Variants in TRIM41 observed in about 807,000 individuals in gnomAD.
TRIM41 encodes the protein tripartite motif containing 41, also known as E3 ubiquitin-protein ligase TRIM41.
Under a neutral mutation model 60.6 loss-of-function variants are expected in TRIM41, and 21 were observed. The observed-to-expected ratio is 0.35, with a 90% CI of 0.25 to 0.50. The LOEUF is 0.50. TRIM41 is among the 20% of genes least tolerant of loss of function. The pLI is 0.98. For synonymous variants in TRIM41, 407 were observed against 344.9 expected (o/e 1.18, Z -2.00); for missense variants, 846 against 868.3 (o/e 0.97, Z 0.32).
Position 181,233,691 on chromosome 5 carries a change from C to A in TRIM41, c.1219C>A (p.Pro407Thr). ...PEVWSPDPCQPHSHDFLTDAI... is the reference protein window; with the variant it reads ...PEVWSPDPCQTHSHDFLTDAI... ...GGTCTGGTCCCCTGACCCGTGCCAA[C>A]CCCATAGCCATGACTTCCTGACAGA... Residue 407 changes from proline to threonine, a missense_variant, in exon 5 of 6, where the codon CCC (proline) becomes ACC (threonine). Transcript: ENST00000315073. The surrounding 1 kb of genome is among the most constrained non-coding windows in gnomAD (Gnocchi z 4.1). The A allele has an allele frequency of 6.2e-7, 1 of 1,614,228 alleles. No individual in the cohort carries two copies. Among genetic ancestry groups the A allele is most frequent in the Non-Finnish European group, 8.5e-7 (1 of 1,180,044 alleles).
chr5:181,232,844 A>G lies in TRIM41; in HGVS notation c.1095A>G (p.Ala365=), dbSNP rs1403961502. The change falls in exon 3 of 6, where the codon GCA becomes GCG. Residue 365 remains alanine (A), a synonymous_variant. Transcript: ENST00000315073. ...EQAAQLSRLL[A]EAQERSQQGG... The stretch of plus-strand genomic sequence containing the variant: ...CCGCCCAGCTCAGCCGCCTGCTGGC[A>G]GAGGCCCAGGAGCGGAGCCAGCAGG... 6.4e-7 allele frequency: 1 copy of G among 1,559,558 alleles called. No homozygotes were observed. Among genetic ancestry groups the G allele is most frequent in the East Asian group, 2.4e-5 (1 of 41,908 alleles).
At chr5:181,225,362 C>T (rs145066154) in intron 1 of TRIM41, 1 of 162,126 alleles carries the variant, frequency 6.2e-6, no homozygotes, top group African/African-American at 2.4e-5. Context: ...GCTTTTCAGT[C>T]AGAAGACCTG....
Position 181,223,437 on chromosome 5 carries a change from T to A in TRIM41, c.-563T>A, listed in dbSNP as rs1582264400. On this transcript the variant is annotated 5_prime_UTR_variant, in exon 1 of 6. Transcript: ENST00000315073. ...TCTCCCCAGCGGCGGGGGATGGGGG[T>A]AGGCGGTTCCTCTGTTCTTTCTGCG... The A allele has an allele frequency of 2.5e-6, 1 of 399,586 alleles. No individual in the cohort carries two copies. Among genetic ancestry groups the A allele is most frequent in the African/African-American group, 2.1e-5 (1 of 48,536 alleles). 24.8% of individuals were successfully genotyped at this position (399,586 alleles called of 1,614,324 possible).
In TRIM41 at chr5:181,234,776, T is replaced by G. The variant is rs1322262875; in HGVS notation, c.*1T>G. 1 of 1,609,188 alleles carries G rather than the reference T, an allele frequency of 6.2e-7. No homozygotes were observed. On this transcript the variant is annotated 3_prime_UTR_variant, in exon 6 of 6. Coordinates refer to ENST00000315073, the MANE Select transcript of TRIM41 (RefSeq NM_033549.5). This position sits in a 1 kb window ranked among gnomAD's most constrained non-coding sequence, Gnocchi z 5.6. ...CACCCGCATCAAGCTCTGCCCTTGA[T>G]TATCCTGCCACCCGCAGGGGCCCCT...
At position 181,233,555 on chromosome 5, in the gene TRIM41, C is replaced by G. The variant is rs531422717; in HGVS notation, c.1164-81C>G. 1 of 1,608,192 alleles carries G rather than the reference C, an allele frequency of 6.2e-7. No individual in the cohort carries two copies. Among genetic ancestry groups the G allele is most frequent in the Non-Finnish European group, 8.5e-7 (1 of 1,175,420 alleles). Reference sequence around the variant, plus strand: ...GGACCTGAGTTTCCATCTCCTGGACCCTCCTCTCCTTCCCCTCAGCTTTTG... The same window carrying G: ...GGACCTGAGTTTCCATCTCCTGGACGCTCCTCTCCTTCCCCTCAGCTTTTG... On this transcript the variant is annotated intron_variant, in intron 4 of 5. Coordinates refer to ENST00000315073, the MANE Select transcript of TRIM41 (RefSeq NM_033549.5). This position sits in a 1 kb window ranked among gnomAD's most constrained non-coding sequence, Gnocchi z 4.1.
In TRIM41 at chr5:181,234,528, T is replaced by C. The variant is rs937387817; in HGVS notation, c.1646T>C (p.Val549Ala). The C allele has an allele frequency of 2.2e-5, 35 of 1,613,972 alleles. No individual in the cohort carries two copies. The highest frequency in any genetic ancestry group is 2.9e-5 in the Non-Finnish European group (34 of 1,180,000). The stretch of plus-strand genomic sequence containing the variant: ...CAGCAGCCCCTGCTCCAGCGGGAAG[T>C]GTGGTGCGTGGGCACCAACGGCAAA... ...LPQQPLLQREVWCVGTNGKRY... is the reference protein window; with the variant it reads ...LPQQPLLQREAWCVGTNGKRY... The change falls in exon 6 of 6, where the codon GTG becomes GCG. Residue 549 changes from valine (V) to alanine (A), a missense_variant. Coordinates refer to ENST00000315073, the MANE Select transcript of TRIM41 (RefSeq NM_033549.5). This position sits in a 1 kb window ranked among gnomAD's most constrained non-coding sequence, Gnocchi z 5.6.
intron 2 of TRIM41, chr5:181,231,081 T>C (rs1758776516): frequency 2.6e-6 from 1 of 389,194 alleles, no homozygotes; most frequent in African/African-American, 2.1e-5. Context: ...CCTAGGTGCC[T>C]GGCCCAAGGC....
At chr5:181,230,908 C>CT (rs1267064857) in intron 2 of TRIM41, 69 bp downstream of exon 2, 2 of 1,416,228 alleles carry the variant, frequency 1.4e-6, no homozygotes, top group Non-Finnish European at 2.0e-6. Context: ...GCTTCCCACT[C>CT]TCACAGGGAG....
In TRIM41 at chr5:181,234,480, G is replaced by A. The variant is rs371769219; in HGVS notation, c.1598G>A (p.Arg533His). The change falls in exon 6 of 6, where the codon CGC becomes CAC. Residue 533 changes from arginine to histidine, a missense_variant. Physicochemically the swap from Arg to His is conservative, Grantham distance 29. Coordinates refer to ENST00000315073, the MANE Select transcript of TRIM41 (RefSeq NM_033549.5). The surrounding 1 kb of genome is among the most constrained non-coding windows in gnomAD (Gnocchi z 5.6). Reference sequence around the variant, plus strand: ...GCCAGCTCCTCGCGCCATCACCATCGCCGCCGCCGGCTCCACCTGCCCCAG... The same window carrying A: ...GCCAGCTCCTCGCGCCATCACCATCACCGCCGCCGGCTCCACCTGCCCCAG... Reference protein sequence around the residue: ...GDASSSRHHHRRRRLHLPQQP... With the variant: ...GDASSSRHHHHRRRLHLPQQP... 199 of 1,613,386 alleles carry A rather than the reference G, an allele frequency of 1.2e-4. No homozygotes were observed. Among genetic ancestry groups the A allele is most frequent in the Non-Finnish European group, 1.4e-4 (170 of 1,179,640 alleles).
chr5:181,232,458 G>T, intron 2 of TRIM41: 1 of 573,258 alleles, frequency 1.7e-6, no homozygotes, highest in Non-Finnish European at 3.0e-6. Flanking sequence ...GCAGAGGTTA[G>T]TGAGTTTGAG....
chr5:181,234,714 A>G lies in TRIM41; in HGVS notation c.1832A>G (p.Glu611Gly), dbSNP rs760740932. Residue 611 changes from glutamate (E) to glycine (G), a missense_variant, in exon 6 of 6, where the codon GAG becomes GGG. Glu to Gly is a moderately conservative substitution (Grantham distance 98, BLOSUM62 -2). Coordinates refer to ENST00000315073, the MANE Select transcript of TRIM41 (RefSeq NM_033549.5). This position sits in a 1 kb window ranked among gnomAD's most constrained non-coding sequence, Gnocchi z 5.6. The part of the protein sequence containing the change: ...VHTFSAAFLG[E>G]RVFPFFRVLS... Reference sequence around the variant, plus strand: ...ACCTTCTCGGCTGCCTTCCTGGGCGAGCGTGTCTTTCCTTTCTTCCGGGTG... The same window carrying G: ...ACCTTCTCGGCTGCCTTCCTGGGCGGGCGTGTCTTTCCTTTCTTCCGGGTG... 4 of 1,614,142 alleles carry G rather than the reference A, an allele frequency of 2.5e-6. No individual in the cohort carries two copies. The highest frequency in any genetic ancestry group is 3.4e-6 in the Non-Finnish European group (4 of 1,180,028).
rs1175300505 is a variant in TRIM41, at chr5:181,234,013, AGAGT to A, written c.1292-157_1292-154del. 5 of 1,330,656 alleles carry A rather than the reference AGAGT, an allele frequency of 3.8e-6. No homozygotes were observed. Among genetic ancestry groups the A allele is most frequent in the Admixed American group, 1.8e-5 (1 of 54,078 alleles). 82.4% of individuals were successfully genotyped at this position (1,330,656 alleles called of 1,614,324 possible). ...AGACCTGTCAGGTATCCTAGGAACA[AGAGT>A]GAGGAGCAAGATGAGCCTGCAGGAA... On this transcript the variant is annotated intron_variant, in intron 5 of 5. Transcript: ENST00000315073. The surrounding 1 kb of genome is among the most constrained non-coding windows in gnomAD (Gnocchi z 5.6).
At chr5:181,228,032 C>G (rs1758624557) in intron 1 of TRIM41, 1 of 151,252 alleles carries the variant, frequency 6.6e-6, no homozygotes. Flanking sequence ...CATTTTGGCC[C>G]CTCAAAGTGC....
At chr5:181,228,513 G>GTGCTAC (rs1229490995) in intron 1 of TRIM41, 2 of 129,088 alleles carry the variant, frequency 1.5e-5, no homozygotes, top group African/African-American at 6.5e-5. Flanking sequence ...AGCCAAGATT[G>GTGCTAC]TGCTACTGCA....
At chr5:181,227,163 G>A (rs1200608197) in intron 1 of TRIM41, 1 of 151,654 alleles carries the variant, frequency 6.6e-6, no homozygotes, top group African/African-American at 2.4e-5. Context: ...GTGAACCACT[G>A]CGCCTGGCCA....
chr5:181,230,387 C>T (rs1485696406), intron 1 of TRIM41: 6 of 164,934 alleles, frequency 3.6e-5, no homozygotes, highest in Non-Finnish European at 7.7e-5. Flanking sequence ...GTACCAGCTA[C>T]TGGGAAGGCT....
Position 181,224,437 on chromosome 5 carries a change from G to C in TRIM41, c.438G>C (p.Arg146Ser). The change falls in exon 1 of 6, where the codon AGG (arginine) becomes AGC (serine). Residue 146 changes from arginine to serine, a missense_variant. Transcript: ENST00000315073. ...GGGACATGGAGGAGGAGGACCTGAG[G>C]GGGGAGGATGAGGAGGACGAGGAGG... The part of the protein sequence containing the change: ...YLGDMEEEDL[R>S]GEDEEDEEEV... 2 of 1,613,362 alleles carry C rather than the reference G, an allele frequency of 1.2e-6. No individual in the cohort carries two copies. The highest frequency in any genetic ancestry group is 1.7e-6 in the Non-Finnish European group (2 of 1,179,638).
chr5:181,235,416 C>T lies in TRIM41; in HGVS notation c.*641C>T, dbSNP rs932705893. On this transcript the variant is annotated 3_prime_UTR_variant, in exon 6 of 6. Coordinates refer to ENST00000315073, the MANE Select transcript of TRIM41 (RefSeq NM_033549.5). ...AATGGTCGCCATGATTGAAACCACG[C>T]ACCATTACATCATCATTACATTAAT... 26 of 1,613,930 alleles carry T rather than the reference C, an allele frequency of 1.6e-5. No individual in the cohort carries two copies. Among genetic ancestry groups the T allele is most frequent in the South Asian group, 2.2e-5 (2 of 91,072 alleles).
chr5:181,227,286 G>A (rs1296450199), intron 1 of TRIM41: 1 of 152,148 alleles, frequency 6.6e-6, no homozygotes, highest in Non-Finnish European at 1.5e-5. Context: ...TTATTGTATA[G>A]GACTAATTTG....
Sources: gnomAD v4.1 joint callset for allele counts on GRCh38, gnomAD v4.1.1 for gene constraint, Gnocchi (gnomAD v3.1) non-coding constraint, MANE v1.5 for transcripts, NCBI Gene and HGNC (gene_info 2026-07-23, HGNC 2026-07-21) for gene names.